The following PTPRD variants were observed in gnomAD, a reference collection of about 807,000 sequenced individuals.
PTPRD encodes receptor-type tyrosine-protein phosphatase delta.
PTPRD carries 34 observed loss-of-function variants against 214.5 expected under a neutral mutation model. The observed-to-expected ratio is 0.16, with a 90% confidence interval of 0.12 to 0.21. PTPRD has a LOEUF of 0.21. Ranked by LOEUF, PTPRD falls within the 10% of genes least tolerant of loss-of-function variation. The pLI, the probability that PTPRD is intolerant of heterozygous loss-of-function variation, is 1.00. For missense variants in PTPRD, 2,545 were observed against 2,398.7 expected, an observed-to-expected ratio of 1.06 and a Z score of -1.27; for synonymous variants, 1,128 against 845.7, an observed-to-expected ratio of 1.33 and a Z score of -5.79.
chr9:9,436,602 A>T (rs2085340823), intron 8 of PTPRD, among the ~76,000 whole-genome samples: 2 of 152,186 alleles, frequency 1.3e-5, no homozygotes, highest in South Asian at 4.1e-4. Flanking sequence ...AAAGTCTGTT[A>T]ATTATTAGTA....
At chr9:8,820,092 A>C (rs1481978302) in intron 11 of PTPRD, among the ~76,000 whole-genome samples, 1 of 152,220 alleles carries the variant, frequency 6.6e-6, no homozygotes, top group Admixed American at 6.5e-5. Flanking sequence ...TATAAATCAG[A>C]ATATGTAACA....
chr9:8,616,798 T>A (rs1234604122), intron 14 of PTPRD, among the ~76,000 whole-genome samples: 2 of 152,150 alleles, frequency 1.3e-5, no homozygotes, highest in Admixed American at 1.3e-4. Flanking sequence ...TTAGATGTTT[T>A]GGATGTGATT....
intron 5 of PTPRD, among the ~76,000 whole-genome samples, chr9:9,767,886 T>C (rs1056199861): frequency 2.6e-5 from 4 of 152,136 alleles, no homozygotes; most frequent in Non-Finnish European, 5.9e-5. Context: ...ATTTAAGGGA[T>C]TGGTTGTTAT....
At chr9:9,087,257 T>C (rs1234215861) in intron 10 of PTPRD, among the ~76,000 whole-genome samples, 1 of 152,198 alleles carries the variant, frequency 6.6e-6, no homozygotes, top group Admixed American at 6.5e-5. Flanking sequence ...ATTTGGTCCT[T>C]GGCCCTGAAG....
chr9:10,560,087 T>C (rs1439571760), intron 2 of PTPRD, among the ~76,000 whole-genome samples: 3 of 152,164 alleles, frequency 2.0e-5, no homozygotes, highest in Non-Finnish European at 4.4e-5. Context: ...TAAATCATGT[T>C]GCTATAAAAA....
intron 3 of PTPRD, among the ~76,000 whole-genome samples, chr9:10,048,979 G>A (rs2097462644): frequency 6.6e-6 from 1 of 152,118 alleles, no homozygotes; most frequent in Non-Finnish European, 1.5e-5. Context: ...GAGGAGCCCT[G>A]ACACTCGGGT....
intron 3 of PTPRD, among the ~76,000 whole-genome samples, chr9:10,095,383 G>A (rs2098472950): frequency 6.6e-6 from 1 of 151,362 alleles, no homozygotes. Context: ...TTTTACTTCA[G>A]AATCTATGAA....
intron 26 of PTPRD, among the ~76,000 whole-genome samples, chr9:8,494,988 G>C (rs2097229894): frequency 6.6e-6 from 1 of 151,938 alleles, no homozygotes; most frequent in African/African-American, 2.4e-5. Context: ...TTAAAAGTTG[G>C]CATACCTGAG....
chr9:8,321,325 T>G (rs1827213251), intron 44 of PTPRD, among the ~76,000 whole-genome samples: 1 of 151,460 alleles, frequency 6.6e-6, no homozygotes, highest in Admixed American at 6.6e-5. Flanking sequence ...ACTAAGTATT[T>G]TCAAAAAAAG....
chr9:8,814,781 T>G (rs965637094), intron 11 of PTPRD, among the ~76,000 whole-genome samples: 1 of 152,176 alleles, frequency 6.6e-6, no homozygotes, highest in Non-Finnish European at 1.5e-5. Flanking sequence ...ATTATACAAC[T>G]AGTATGAGAT....
intron 7 of PTPRD, among the ~76,000 whole-genome samples, chr9:9,669,547 A>T (rs2096786628): frequency 6.6e-6 from 1 of 152,310 alleles, no homozygotes; most frequent in South Asian, 2.1e-4. Flanking sequence ...CTTATGTGTG[A>T]GTGTTTGAAG....
At chr9:10,451,545 T>C (rs1221294014) in intron 2 of PTPRD, among the ~76,000 whole-genome samples, 1 of 151,680 alleles carries the variant, frequency 6.6e-6, no homozygotes, top group Non-Finnish European at 1.5e-5. Flanking sequence ...CTGTTCATTA[T>C]CTGTAATCGG....
intron 3 of PTPRD, among the ~76,000 whole-genome samples, chr9:10,072,330 A>G (rs2098037544): frequency 6.6e-6 from 1 of 152,098 alleles, no homozygotes; most frequent in South Asian, 2.1e-4. Context: ...GATCATGTCA[A>G]TTGTCAGTGA....
At chr9:10,443,800 A>C (rs1026139197) in intron 2 of PTPRD, among the ~76,000 whole-genome samples, 15 of 151,486 alleles carry the variant, frequency 9.9e-5, no homozygotes, top group Non-Finnish European at 1.5e-4. Flanking sequence ...ATTAGAAAAA[A>C]AAAAGCTAAT....
At chr9:8,534,078 C>T (rs946191931) in intron 14 of PTPRD, among the ~76,000 whole-genome samples, 2 of 151,954 alleles carry the variant, frequency 1.3e-5, no homozygotes, top group Admixed American at 1.3e-4. Context: ...TCTTTAGTTT[C>T]GTCAGCAAGT....
At chr9:8,900,373 G>C (rs2098658012) in intron 11 of PTPRD, among the ~76,000 whole-genome samples, 1 of 152,132 alleles carries the variant, frequency 6.6e-6, no homozygotes, top group African/African-American at 2.4e-5. Flanking sequence ...TTTTGCTAGA[G>C]TTTTCAAGAG....
rs532342399 is a variant in PTPRD, at chr9:10,266,677, T to C, written c.-545+74286A>G. On this transcript the variant is annotated intron_variant, in intron 3 of 45. Transcript: ENST00000381196. ...TACTTAGCAAGGACTACAATTTGAA[T>C]TGAGCTTGAGAGGAAACTATAGTTT... 3.3e-5 allele frequency among the ~76,000 whole-genome samples: 5 copies of C among 152,230 alleles called. No homozygotes were observed. In the South Asian group the frequency reaches 1.0e-3, roughly 32 times the overall value.
intron 4 of PTPRD, among the ~76,000 whole-genome samples, chr9:9,962,656 C>T (rs2154026312): frequency 6.6e-6 from 1 of 152,148 alleles, no homozygotes; most frequent in South Asian, 2.1e-4. Flanking sequence ...TATGTCCATC[C>T]ATCCACCTTT....
At chr9:9,930,449 A>AT (rs2086077608) in intron 5 of PTPRD, among the ~76,000 whole-genome samples, 1 of 152,224 alleles carries the variant, frequency 6.6e-6, no homozygotes, top group South Asian at 2.1e-4. Flanking sequence ...ACATTTTCAC[A>AT]TAAAAACAAT....
Sources: gnomAD v4.1 joint callset for allele counts (sites outside exome capture counted in the v4.1 genomes callset) on GRCh38, gnomAD v4.1.1 for gene constraint, MANE v1.5 for transcripts, NCBI Gene and HGNC (gene_info 2026-07-23, HGNC 2026-07-21) for gene names.